SLC25A26: variants seen among roughly 807,000 people sequenced by gnomAD.
SLC25A26 encodes mitochondrial S-adenosylmethionine carrier protein.
In SLC25A26, 36 loss-of-function variants were observed where a neutral mutation model predicts 37.8. That is an observed-to-expected ratio of 0.95 (90% CI 0.73 to 1.26). The LOEUF is 1.26. Among genes scored for constraint, SLC25A26 ranks in the 50% most tolerant of loss-of-function variants. The pLI, the probability that SLC25A26 is intolerant of heterozygous loss-of-function variation, is 0.00. For synonymous variants in SLC25A26, 129 were observed against 122.5 expected (o/e 1.05, Z -0.35); for missense variants, 390 against 331.1 (o/e 1.18, Z -1.38).
intron 1 of SLC25A26, among the ~76,000 whole-genome samples, chr3:66,183,368 G>C (rs1559565807): frequency 6.6e-6 from 1 of 151,886 alleles, no homozygotes; most frequent in African/African-American, 2.4e-5. Flanking sequence ...CCCTCACAAT[G>C]AACTTGTCTA....
intron 2 of SLC25A26, among the ~76,000 whole-genome samples, chr3:66,240,851 T>G (rs1323517581): frequency 6.6e-6 from 1 of 150,652 alleles, no homozygotes; most frequent in African/African-American, 2.4e-5. Flanking sequence ...GTTCATGCCA[T>G]TCTCCTGCCT....
chr3:66,301,386 A>C (rs2075071445), intron 5 of SLC25A26, among the ~76,000 whole-genome samples: 1 of 152,212 alleles, frequency 6.6e-6, no homozygotes, highest in African/African-American at 2.4e-5. Context: ...TGCATCTTTG[A>C]TGGGCGTTAG....
chr3:66,361,892 A>C (rs1047866000), intron 6 of SLC25A26, among the ~76,000 whole-genome samples: 3 of 152,100 alleles, frequency 2.0e-5, no homozygotes, highest in Non-Finnish European at 4.4e-5. Flanking sequence ...ATATGAACCC[A>C]GGAGCTGGAG....
intron 1 of SLC25A26, among the ~76,000 whole-genome samples, chr3:66,186,485 C>A (rs2070830249): frequency 6.6e-6 from 1 of 152,114 alleles, no homozygotes; most frequent in Admixed American, 6.6e-5. Flanking sequence ...CACTCTGACC[C>A]TGACCAGCAC....
chr3:66,244,607 G>T (rs532625719), intron 3 of SLC25A26, among the ~76,000 whole-genome samples: 1 of 152,260 alleles, frequency 6.6e-6, no homozygotes, highest in Non-Finnish European at 1.5e-5. Context: ...ATCATTAGTT[G>T]TGTCATTATA....
intron 1 of SLC25A26, among the ~76,000 whole-genome samples, chr3:66,143,580 C>G (rs908966980): frequency 3.3e-5 from 5 of 151,896 alleles, no homozygotes; most frequent in Admixed American, 2.0e-4. Flanking sequence ...AATGAGGTCC[C>G]TCGTTTAAAA....
intron 1 of SLC25A26, among the ~76,000 whole-genome samples, chr3:66,146,509 A>AT (rs952823540): frequency 5.3e-5 from 8 of 151,788 alleles, no homozygotes; most frequent in African/African-American, 1.9e-4. Context: ...ATATTTTCAT[A>AT]TTTTTTCTAT....
At chr3:66,257,877 C>G (rs765150686) in intron 3 of SLC25A26, among the ~76,000 whole-genome samples, 1 of 152,156 alleles carries the variant, frequency 6.6e-6, no homozygotes, top group African/African-American at 2.4e-5. Context: ...GAAGCAATAC[C>G]GGTGAACTCT....
intron 1 of SLC25A26, among the ~76,000 whole-genome samples, chr3:66,183,877 C>T (rs1386719667): frequency 6.6e-6 from 1 of 151,914 alleles, no homozygotes; most frequent in African/African-American, 2.4e-5. Flanking sequence ...TTAATTTTTT[C>T]CCAAACCTTA....
chr3:66,274,384 G>A (rs1157513050), intron 5 of SLC25A26, among the ~76,000 whole-genome samples: 4 of 151,148 alleles, frequency 2.6e-5, no homozygotes, highest in Non-Finnish European at 4.4e-5. Context: ...GGCAACAAAA[G>A]CCAAAATTGA....
Position 66,221,678 on chromosome 3 carries a change from A to T in SLC25A26, c.33+551A>T, listed in dbSNP as rs180767918. Among the ~76,000 whole-genome samples the T allele has an allele frequency of 3.9e-5, 6 of 151,922 alleles. No individual in the cohort carries two copies. The East Asian group carries it at 9.7e-4, about 24-fold the overall frequency. On this transcript the variant is annotated intron_variant, in intron 1 of 9. Transcript: ENST00000354883. ...ACATAGCTCATCGGGAACGCTGCGG[A>T]GTCAATAAACAGGCTTAGTATTTAA...
chr3:66,273,780 C>T (rs1469652250), intron 5 of SLC25A26, among the ~76,000 whole-genome samples: 1 of 152,132 alleles, frequency 6.6e-6, no homozygotes, highest in Non-Finnish European at 1.5e-5. Flanking sequence ...ACATTCCATG[C>T]TCATGGATAG....
At chr3:66,218,792 T>C (rs1007832413), upstream of SLC25A26, among the ~76,000 whole-genome samples, 99 of 152,300 alleles carry the variant, frequency 6.5e-4, no homozygotes, top group Non-Finnish European at 1.3e-3. Flanking sequence ...CATGAGGGAT[T>C]AAGGCTACCT....
intron 1 of SLC25A26, among the ~76,000 whole-genome samples, chr3:66,234,798 T>C (rs1326811625): frequency 6.6e-6 from 1 of 152,218 alleles, no homozygotes; most frequent in East Asian, 1.9e-4. Context: ...AATTGTATGT[T>C]TGAATAATAC....
intron 7 of SLC25A26, among the ~76,000 whole-genome samples, chr3:66,368,624 T>C (rs1279850549): frequency 6.6e-6 from 1 of 152,214 alleles, no homozygotes; most frequent in Non-Finnish European, 1.5e-5. Flanking sequence ...AATCCAGCCA[T>C]GTATACCCAA....
chr3:66,236,056 C>T (rs927989586), intron 1 of SLC25A26, among the ~76,000 whole-genome samples: 5 of 152,078 alleles, frequency 3.3e-5, no homozygotes, highest in Non-Finnish European at 5.9e-5. Flanking sequence ...GACCTACAGG[C>T]ATGTGCCACC....
At chr3:66,140,821 A>G (rs904603471) in intron 1 of SLC25A26, among the ~76,000 whole-genome samples, 1 of 152,166 alleles carries the variant, frequency 6.6e-6, no homozygotes, top group African/African-American at 2.4e-5. Flanking sequence ...CCTTTTAACA[A>G]CTGCAGTACT....
intron 5 of SLC25A26, among the ~76,000 whole-genome samples, chr3:66,273,334 T>C (rs2074019871): frequency 6.6e-6 from 1 of 152,178 alleles, no homozygotes; most frequent in African/African-American, 2.4e-5. Flanking sequence ...GATTCCCTTT[T>C]TCTATTGATT....
At chr3:66,358,383 A>C (rs899560066) in intron 6 of SLC25A26, among the ~76,000 whole-genome samples, 1 of 152,250 alleles carries the variant, frequency 6.6e-6, no homozygotes, top group Non-Finnish European at 1.5e-5. Context: ...CTCATTTAGA[A>C]AAATCATTTC....
Sources: gnomAD v4.1 joint callset for allele counts (sites outside exome capture counted in the v4.1 genomes callset) on GRCh38, gnomAD v4.1.1 for gene constraint, MANE v1.5 for transcripts, NCBI Gene and HGNC (gene_info 2026-07-23, HGNC 2026-07-21) for gene names.